The following CTNNA2 variants were observed in gnomAD, a reference collection of about 807,000 sequenced individuals.
CTNNA2 encodes the protein catenin alpha 2.
In CTNNA2, 42 loss-of-function variants were observed where a neutral mutation model predicts 101.0. That is an observed-to-expected ratio of 0.42 (90% CI 0.32 to 0.54). The LOEUF (loss-of-function observed/expected upper bound fraction) is 0.54. Ranked by LOEUF, CTNNA2 falls within the 20% of genes least tolerant of loss-of-function variation. CTNNA2 has a pLI of 0.14. For synonymous variants in CTNNA2, 450 were observed against 456.4 expected (o/e 0.99, Z 0.18); for missense variants, 871 against 1,223.1 (o/e 0.71, Z 4.29).
Position 80,206,590 on chromosome 2 carries a change from G to A in CTNNA2, c.1057-186621G>A, listed in dbSNP as rs767938680. On this transcript the variant is annotated intron_variant, in intron 7 of 18. Coordinates refer to ENST00000402739, the MANE Select transcript of CTNNA2 (RefSeq NM_001282597.3). ...GAGAAGAGGTATCTACATATAGTGC[G>A]GGCAGGGAGAAGCGAGTGCATTCTA... 5.3e-5 allele frequency among the ~76,000 whole-genome samples: 8 copies of A among 152,192 alleles called. No homozygotes were observed. In the East Asian group the frequency reaches 1.4e-3, roughly 26 times the overall value.
chr2:79,812,213 A>G (rs1677098272), intron 3 of CTNNA2, among the ~76,000 whole-genome samples: 1 of 151,842 alleles, frequency 6.6e-6, no homozygotes, highest in African/African-American at 2.4e-5. Context: ...CTGTTTTTTC[A>G]TTCTATATTC....
At chr2:79,239,164 C>G (rs1674592601) in intron 2 of CTNNA2, among the ~76,000 whole-genome samples, 1 of 151,996 alleles carries the variant, frequency 6.6e-6, no homozygotes, top group South Asian at 2.1e-4. Context: ...CAAGACAATT[C>G]TAAGCAAAAA....
intron 14 of CTNNA2, among the ~76,000 whole-genome samples, chr2:80,587,099 C>G (rs968689723): frequency 6.6e-6 from 1 of 152,048 alleles, no homozygotes; most frequent in Admixed American, 6.6e-5. Flanking sequence ...GATCTTAGTT[C>G]AGGTGGGTTT....
intron 4 of CTNNA2, among the ~76,000 whole-genome samples, chr2:79,401,362 TCTC>T (rs1167539530): frequency 1.3e-5 from 2 of 151,504 alleles, no homozygotes; most frequent in Non-Finnish European, 3.0e-5. Flanking sequence ...ACACTTTTCT[TCTC>T]CTATTCAATA....
intron 4 of CTNNA2, among the ~76,000 whole-genome samples, chr2:79,421,258 A>T (rs1012997026): frequency 6.6e-6 from 1 of 152,252 alleles, no homozygotes; most frequent in Non-Finnish European, 1.5e-5. Context: ...ACTAAATATC[A>T]CAGGTGAAGA....
chr2:80,351,241 A>G (rs1673263033), intron 7 of CTNNA2, among the ~76,000 whole-genome samples: 1 of 151,886 alleles, frequency 6.6e-6, no homozygotes, highest in South Asian at 2.1e-4. Flanking sequence ...ACCAAAAGTG[A>G]CCTCTTTCCC....
Position 79,997,727 on chromosome 2 carries a change from A to ACTCT in CTNNA2, c.1056+87932_1056+87935dup, listed in dbSNP as rs1439306228. Among the ~76,000 whole-genome samples the ACTCT allele has an allele frequency of 1.6e-4, 24 of 152,190 alleles. 1 individual carries two copies. Among genetic ancestry groups the ACTCT allele is most frequent in the Middle Eastern group, 3.4e-3 (1 of 294 alleles). On this transcript the variant is annotated intron_variant, in intron 7 of 18. Transcript: ENST00000402739. ...TCAGAACTCTTCTCAAGTTTGCTGG[A>ACTCT]CTCTCCTCTTCTGTGCTTATAAATC...
intron 7 of CTNNA2, among the ~76,000 whole-genome samples, chr2:79,938,131 C>T (rs960048441): frequency 1.7e-4 from 26 of 152,192 alleles, no homozygotes; most frequent in Non-Finnish European, 3.2e-4. Context: ...CAAATCTGCT[C>T]CCATCTCCCA....
At chr2:80,449,076 C>G (rs1683287879) in intron 9 of CTNNA2, among the ~76,000 whole-genome samples, 1 of 152,008 alleles carries the variant, frequency 6.6e-6, no homozygotes, top group African/African-American at 2.4e-5. Context: ...TGATTAGCTA[C>G]CCACAATCAG....
intron 7 of CTNNA2, among the ~76,000 whole-genome samples, chr2:80,204,010 A>G (rs901564047): frequency 7.9e-5 from 12 of 152,310 alleles, no homozygotes; most frequent in Middle Eastern, 3.4e-3. Flanking sequence ...AGCCTGAGCT[A>G]TACCATGGCC....
chr2:80,453,105 A>G (rs544645206), intron 9 of CTNNA2, among the ~76,000 whole-genome samples: 10 of 152,238 alleles, frequency 6.6e-5, no homozygotes, highest in African/African-American at 2.4e-4. Flanking sequence ...TCCTGAGGGT[A>G]CTTTGGGAGC....
intron 7 of CTNNA2, among the ~76,000 whole-genome samples, chr2:80,055,717 A>G (rs1697174482): frequency 6.6e-6 from 1 of 152,072 alleles, no homozygotes; most frequent in African/African-American, 2.4e-5. Context: ...ACCACTCATC[A>G]GCTTGGTCCT....
In CTNNA2 at chr2:79,725,461, G is replaced by C. The variant is rs372555754; in HGVS notation, c.103-18926G>C. Among the ~76,000 whole-genome samples, 37 of 152,326 alleles carry C rather than the reference G, an allele frequency of 2.4e-4. 3 individuals carry two copies. Among genetic ancestry groups the C allele is most frequent in the East Asian group, 1.7e-3 (9 of 5,166 alleles). ...CCATCACAAAGCACATGCTCCAAGA[G>C]TGTTCTTTGCTTACTGGAGAAGGGA... On this transcript the variant is annotated intron_variant, in intron 2 of 18. Coordinates refer to ENST00000402739, the MANE Select transcript of CTNNA2 (RefSeq NM_001282597.3).
intron 7 of CTNNA2, among the ~76,000 whole-genome samples, chr2:80,016,299 G>T (rs536357190): frequency 6.6e-6 from 1 of 152,184 alleles, no homozygotes; most frequent in African/African-American, 2.4e-5. Context: ...TCTAGTTAGA[G>T]AGTCAGCTTT....
intron 2 of CTNNA2, among the ~76,000 whole-genome samples, chr2:79,302,183 G>A (rs549396841): frequency 9.9e-5 from 15 of 152,240 alleles, no homozygotes; most frequent in East Asian, 7.7e-4. Flanking sequence ...AAGACTTAGT[G>A]ACATCAAACT....
At chr2:79,733,548 C>G (rs922121388) in intron 2 of CTNNA2, among the ~76,000 whole-genome samples, 1 of 151,812 alleles carries the variant, frequency 6.6e-6, no homozygotes, top group African/African-American at 2.4e-5. Flanking sequence ...AACCCACTTA[C>G]CAGGCACGCA....
chr2:79,277,386 G>A (rs555651630), intron 2 of CTNNA2, among the ~76,000 whole-genome samples: 1 of 152,046 alleles, frequency 6.6e-6, no homozygotes, highest in African/African-American at 2.4e-5. Flanking sequence ...TCCAATATCA[G>A]CCATAGGTGA....
chr2:79,458,246 C>G (rs1670845348), intron 4 of CTNNA2, among the ~76,000 whole-genome samples: 1 of 152,256 alleles, frequency 6.6e-6, no homozygotes, highest in East Asian at 1.9e-4. Context: ...TTTAACTATT[C>G]TTATATCACC....
intron 7 of CTNNA2, among the ~76,000 whole-genome samples, chr2:80,167,406 G>T (rs570725992): frequency 6.2e-4 from 94 of 152,252 alleles, no homozygotes; most frequent in African/African-American, 2.2e-3. Context: ...TCCCTTTGGT[G>T]CTTGGAAGTA....
Sources: allele counts gnomAD v4.1 joint callset (sites outside exome capture counted in the v4.1 genomes callset), GRCh38; gene constraint gnomAD v4.1.1; transcripts MANE v1.5; gene names NCBI Gene and HGNC (gene_info 2026-07-23, HGNC 2026-07-21).